Variants in ATP7A observed in about 807,000 individuals in gnomAD.
ATP7A encodes ATPase copper transporting alpha.
A neutral mutation model predicts 83.5 loss-of-function variants in ATP7A; 7 were observed. The ratio of observed to expected loss-of-function variants is 0.08; its 90% CI spans 0.05 to 0.16. The LOEUF is 0.16. Among genes scored for constraint, ATP7A ranks in the 10% least tolerant of loss-of-function variants. ATP7A has a pLI of 1.00. For missense variants in ATP7A, 940 were observed against 1,120.8 expected (o/e 0.84, Z 2.30); for synonymous variants, 354 against 395.2 (o/e 0.90, Z 1.24).
intron 1 of ATP7A, among the ~76,000 whole-genome samples, chrX:77,971,068 C>A (rs1199748219): frequency 9.0e-6 from 1 of 111,606 alleles, no homozygotes; most frequent in Non-Finnish European, 1.9e-5. Context: ...AGAAGAAAGT[C>A]CCAAAGCAAG....
At position 78,021,038 on chromosome X, in the gene ATP7A, A is replaced by G. The variant is rs1557235734; in HGVS notation, c.2875A>G (p.Ile959Val). ...TGCCACCCTCTTGGTATGGATTGTA[A>G]TTGGATTTCTGAATTTTGAAATTGT... is the stretch of plus-strand genomic sequence containing the variant. ...SIATLLVWIV[I>V]GFLNFEIVET... Residue 959 changes from isoleucine (I) to valine (V), a missense_variant, in exon 14 of 23, where the codon ATT (isoleucine) becomes GTT (valine). Transcript: ENST00000341514. 1.7e-6 allele frequency: 2 copies of G among 1,207,495 alleles called. No homozygotes were observed. The highest frequency in any genetic ancestry group is 2.2e-5 in the Admixed American group (1 of 45,907).
Position 77,989,350 on chromosome X carries a change from A to G in ATP7A, c.728A>G (p.Lys243Arg). 2 of 1,211,809 alleles carry G rather than the reference A, an allele frequency of 1.7e-6. No homozygotes were observed. The highest frequency in any genetic ancestry group is 3.0e-5 in the East Asian group (1 of 33,845). ...CCAGCATTTGTCAAAAAGCAGCCCA[A>G]GTACCTCAAATTGGGAGCTATTGAT... ...GFPAFVKKQP[K>R]YLKLGAIDVE... The change falls in exon 4 of 23, where the codon AAG (lysine) becomes AGG (arginine). Residue 243 changes from lysine to arginine, a missense_variant. Coordinates refer to ENST00000341514, the MANE Select transcript of ATP7A (RefSeq NM_000052.7).
At chrX:77,961,890 C>A (rs2077476374) in intron 1 of ATP7A, among the ~76,000 whole-genome samples, 1 of 111,300 alleles carries the variant, frequency 9.0e-6, no homozygotes, top group African/African-American at 3.3e-5. Context: ...CCAACTATCA[C>A]CCCCCTGATT....
At chrX:77,958,384 C>CT (rs1190918962) in intron 1 of ATP7A, among the ~76,000 whole-genome samples, 2 of 111,096 alleles carry the variant, frequency 1.8e-5, no homozygotes, top group African/African-American at 6.6e-5. Context: ...TTCTTAGCAC[C>CT]TTTTTTTGAA....
intron 18 of ATP7A, among the ~76,000 whole-genome samples, chrX:78,039,303 TTTTG>T (rs1205560349): frequency 5.4e-5 from 6 of 111,377 alleles, no homozygotes; most frequent in African/African-American, 9.8e-5. Context: ...GTCAGGTTTT[TTTTG>T]TTTGTTTCTT....
chrX:77,914,159 C>G (rs1484810032), intron 1 of ATP7A, among the ~76,000 whole-genome samples: 1 of 112,278 alleles, frequency 8.9e-6, no homozygotes, highest in East Asian at 2.8e-4. Flanking sequence ...ATCTCCTGGG[C>G]TCAAATGATC....
At chrX:78,009,435 T>A (rs2077801948) in intron 7 of ATP7A, 172 bp downstream of exon 7, 1 of 589,098 alleles carries the variant, frequency 1.7e-6, no homozygotes, top group Admixed American at 3.0e-5. Context: ...TTTTTTTTTT[T>A]GGTCTTTTTC....
Position 78,011,644 on chromosome X carries a change from G to A in ATP7A, c.2142G>A (p.Leu714=), listed in dbSNP as rs782037158. 1 of 1,208,616 alleles carries A rather than the reference G, an allele frequency of 8.3e-7. No individual in the cohort carries two copies. Among genetic ancestry groups the A allele is most frequent in the African/African-American group, 1.8e-5 (1 of 57,071 alleles). ...QILPGLSVMN[L]LSFLLCVPVQ... is the part of the protein sequence containing the mutation. Reference sequence around the variant, plus strand: ...TTCCAGGATTGTCTGTTATGAATTTGCTGTCCTTTTTATTGTGTGTACCTG... The same window carrying A: ...TTCCAGGATTGTCTGTTATGAATTTACTGTCCTTTTTATTGTGTGTACCTG... Residue 714 remains leucine (L), a synonymous_variant, in exon 9 of 23, where the codon TTG becomes TTA. Transcript: ENST00000341514.
rs782038048 is a variant in ATP7A at position 78,009,192 on chromosome X, G to A, written c.1798G>A (p.Ala600Thr). The change falls in exon 7 of 23, where the codon GCA becomes ACA. Residue 600 changes from alanine to threonine, a missense_variant. Physicochemically the swap from Ala to Thr is moderately conservative, Grantham distance 58. This residue lies in a region of ATP7A where 204 missense variants were observed against 185.8 expected (regional missense o/e 1.10). Coordinates refer to ENST00000341514, the MANE Select transcript of ATP7A (RefSeq NM_000052.7). ...GATCCTATACTGCTCCGTGGCCCTG[G>A]CAACCAACAAAGCACATATTAAATA... ...RGILYCSVAL[A>T]TNKAHIKYDP... is the part of the protein sequence containing the mutation. The A allele has an allele frequency of 8.3e-7, 1 of 1,209,598 alleles. No homozygotes were observed. Among genetic ancestry groups the A allele is most frequent in the South Asian group, 1.8e-5 (1 of 56,894 alleles).
intron 14 of ATP7A, among the ~76,000 whole-genome samples, chrX:78,028,718 A>G (rs187623751): frequency 8.9e-6 from 1 of 112,472 alleles, no homozygotes; most frequent in East Asian, 2.8e-4. Context: ...AAAACTACCA[A>G]TTATATTTTT....
chrX:78,033,929 C>T (rs2149107301), intron 17 of ATP7A, 108 bp downstream of exon 17: 1 of 749,943 alleles, frequency 1.3e-6, no homozygotes, highest in African/African-American at 2.1e-5. Flanking sequence ...ATCATAATTT[C>T]ATTTCCTCAA....
intron 9 of ATP7A, among the ~76,000 whole-genome samples, chrX:78,012,392 G>A (rs1369161962): frequency 9.0e-6 from 1 of 110,606 alleles, no homozygotes; most frequent in Non-Finnish European, 1.9e-5. Context: ...TGGAAAGATG[G>A]GTGAGTTTTA....
chrX:78,019,053 A>G (rs1425249070), intron 12 of ATP7A, among the ~76,000 whole-genome samples: 1 of 111,906 alleles, frequency 8.9e-6, no homozygotes, highest in Non-Finnish European at 1.9e-5. Flanking sequence ...ACAATTAGAG[A>G]TGAAACTTGG....
chrX:78,013,628 CCATT>C (rs2077842112), intron 10 of ATP7A, among the ~76,000 whole-genome samples: 1 of 111,813 alleles, frequency 8.9e-6, no homozygotes, highest in South Asian at 3.7e-4. Context: ...ATTTAATAAA[CCATT>C]CAGGTGTTTT....
At chrX:77,988,984 G>A (rs2077654250) in intron 3 of ATP7A, among the ~76,000 whole-genome samples, 1 of 111,003 alleles carries the variant, frequency 9.0e-6, no homozygotes, top group Non-Finnish European at 1.9e-5. Context: ...CATGACTAGG[G>A]TACTCTTTAC....
Position 78,049,328 on chromosome X carries a change from TG to T in ATP7A, c.*2760del, listed in dbSNP as rs1293395174. 9 of 111,996 alleles carry T rather than the reference TG, an allele frequency of 8.0e-5. No homozygotes were observed. The Admixed American group carries it at 8.6e-4, about 11-fold the overall frequency. The allele number at this position is 111,996 out of a possible 1,213,427, so 9.2% of individuals were successfully genotyped here. ...TACATATTACCATACTGAAGGGAAA[TG>T]GATTTATATTTGAATTTGATATTTG... On this transcript the variant is annotated 3_prime_UTR_variant, in exon 23 of 23. Transcript: ENST00000341514.
intron 1 of ATP7A, among the ~76,000 whole-genome samples, chrX:77,950,838 A>G (rs1414818614): frequency 1.8e-5 from 2 of 110,618 alleles, no homozygotes; most frequent in Non-Finnish European, 3.8e-5. Flanking sequence ...CCTGGCCAAC[A>G]TGGTGAAACC....
chrX:78,044,554 A>G (rs1208260146), intron 21 of ATP7A, among the ~76,000 whole-genome samples: 1 of 111,476 alleles, frequency 9.0e-6, no homozygotes, highest in African/African-American at 3.3e-5. Flanking sequence ...TTTACTCTAC[A>G]TCAGTTTTTG....
At chrX:78,028,902 C>T (rs1333002087) in intron 14 of ATP7A, among the ~76,000 whole-genome samples, 1 of 112,206 alleles carries the variant, frequency 8.9e-6, no homozygotes, top group Non-Finnish European at 1.9e-5. Flanking sequence ...TATGGTTTTA[C>T]TCTACAGAGA....
Sources: allele counts gnomAD v4.1 joint callset (sites outside exome capture counted in the v4.1 genomes callset), GRCh38; gene constraint gnomAD v4.1.1; regional missense constraint gnomAD v4.1.1; transcripts MANE v1.5; gene names NCBI Gene and HGNC (gene_info 2026-07-23, HGNC 2026-07-21).